Variants in SERINC3 observed in about 807,000 individuals in gnomAD.
SERINC3 encodes the protein serine incorporator 3.
A neutral mutation model predicts 52.1 loss-of-function variants in SERINC3; 22 were observed. The observed-to-expected ratio is 0.42, with a 90% CI of 0.30 to 0.60. The LOEUF (loss-of-function observed/expected upper bound fraction) is 0.60, where lower values mean the gene tolerates loss of function less well. Ranked by LOEUF, SERINC3 falls within the 20% of genes least tolerant of loss-of-function variation. The probability of loss-of-function intolerance (pLI) is 0.16; values close to 1 mark genes in which losing one functional copy is unlikely to be tolerated. For synonymous variants in SERINC3, 226 were observed against 212.7 expected, an observed-to-expected ratio of 1.06 and a Z score of -0.54; for missense variants, 564 against 584.6, an observed-to-expected ratio of 0.96 and a Z score of 0.36.
rs921328903 is a variant in SERINC3 at position 44,500,040 on chromosome 20, C to T, written c.*256G>A. 4.5e-5 allele frequency: 15 copies of T among 336,536 alleles called. No homozygotes were observed. The highest frequency in any genetic ancestry group is 8.0e-5 in the Non-Finnish European group (15 of 186,748). 20.8% of individuals were successfully genotyped at this position (336,536 alleles called of 1,614,324 possible). ...TTTATAAAGAACTCTCTTCACAGCA[C>T]AGCTGTAGTTCACTTTAAACAAAAA... On this transcript the variant is annotated 3_prime_UTR_variant, in exon 10 of 10. Coordinates refer to ENST00000342374, the MANE Select transcript of SERINC3 (RefSeq NM_006811.4).
chr20:44,516,869 G>A (rs2123070104), intron 1 of SERINC3, among the ~76,000 whole-genome samples: 1 of 152,238 alleles, frequency 6.6e-6, no homozygotes, highest in South Asian at 2.1e-4. Flanking sequence ...TATAATTTGA[G>A]TCATTATGCT....
chr20:44,500,505 C>T lies in SERINC3; in HGVS notation c.1284-71G>A, dbSNP rs1225881859. On this transcript the variant is annotated intron_variant, in intron 9 of 9. Coordinates refer to ENST00000342374, the MANE Select transcript of SERINC3 (RefSeq NM_006811.4). ...ACTTCTATCAGCCTCCTGCAGCCCC[C>T]CAGCCAAGGCCAAGAAATTCTCCAG... 12 of 1,521,434 alleles carry T rather than the reference C, an allele frequency of 7.9e-6. No homozygotes were observed. The Admixed American group carries it at 2.4e-4, about 30-fold the overall frequency. The allele number at this position is 1,521,434 out of a possible 1,614,324, so 94.2% of individuals were successfully genotyped here. A position where few individuals can be genotyped will look rare whatever the true frequency, so the allele number is the denominator to read the frequency against.
In SERINC3 at chr20:44,511,302, GC is replaced by G; in HGVS notation, c.461del (p.Gly154AlafsTer12). 1.2e-6 allele frequency: 2 copies of G among 1,609,774 alleles called. No individual in the cohort carries two copies. The highest frequency in any genetic ancestry group is 1.7e-6 in the Non-Finnish European group (2 of 1,176,052). ...GGTGAACCCTACCTGAGCTGAAATA[GC>G]CCCCAGGGATGTAGAAAGAGCCAAC... ...IMVGSFYIPG[G>X]YFSSVWFVVG... On this transcript the variant is annotated frameshift_variant, in exon 4 of 10. Coordinates refer to ENST00000342374, the MANE Select transcript of SERINC3 (RefSeq NM_006811.4). LOFTEE classifies it high-confidence loss of function.
rs1367222432 is a variant in SERINC3 at position 44,500,354 on chromosome 20, A to G, written c.1364T>C (p.Leu455Pro). 13 of 1,608,838 alleles carry G rather than the reference A, an allele frequency of 8.1e-6. No homozygotes were observed. The highest frequency in any genetic ancestry group is 1.1e-5 in the Non-Finnish European group (13 of 1,177,806). Residue 455 changes from leucine to proline, a missense_variant, in exon 10 of 10, where the codon CTG becomes CCG. Leu to Pro is a moderately conservative substitution (Grantham distance 98). Coordinates refer to ENST00000342374, the MANE Select transcript of SERINC3 (RefSeq NM_006811.4). Reference protein sequence around the residue: ...VKISSSWVCLLLYVWTLVAPL... With the variant: ...VKISSSWVCLPLYVWTLVAPL... ...AGCCACAAGGGTCCAGACGTAAAGC[A>G]GGAGGCAGACCCAGCTGGAGCTGAT... is the stretch of plus-strand genomic sequence containing the variant.
chr20:44,511,018 AT>A (rs2064344004), intron 4 of SERINC3, among the ~76,000 whole-genome samples: 1 of 151,796 alleles, frequency 6.6e-6, no homozygotes, highest in Admixed American at 6.6e-5. Context: ...GGTTCAGGCA[AT>A]TTTGCTGCCT....
rs1324194755 is a variant in SERINC3 at position 44,500,285 on chromosome 20, C to G, written c.*11G>C. 6.2e-7 allele frequency: 1 copy of G among 1,609,786 alleles called. No individual in the cohort carries two copies. The highest frequency in any genetic ancestry group is 8.5e-7 in the Non-Finnish European group (1 of 1,177,884). The stretch of plus-strand genomic sequence containing the variant: ...TTGTGAGTTCCAGTGGTGTCCTTGG[C>G]ACTCAGAGGTTCAGCTGAAGTCCCG... On this transcript the variant is annotated 3_prime_UTR_variant, in exon 10 of 10. Coordinates refer to ENST00000342374, the MANE Select transcript of SERINC3 (RefSeq NM_006811.4).
chr20:44,511,311 G>C lies in SERINC3; in HGVS notation c.453C>G (p.Ile151Met), dbSNP rs368135422. 9.9e-6 allele frequency: 16 copies of C among 1,612,128 alleles called. No homozygotes were observed. Among genetic ancestry groups the C allele is most frequent in the African/African-American group, 5.3e-5 (4 of 74,866 alleles). ...TACCTGAGCTGAAATAGCCCCCAGG[G>C]ATGTAGAAAGAGCCAACCATGATTC... ...LIGIMVGSFY[I>M]PGGYFSSVWF... Residue 151 changes from isoleucine (I) to methionine (M), a missense_variant, in exon 4 of 10, where the codon ATC becomes ATG. Physicochemically the swap from Ile to Met is conservative, Grantham distance 10. Coordinates refer to ENST00000342374, the MANE Select transcript of SERINC3 (RefSeq NM_006811.4).
intron 5 of SERINC3, among the ~76,000 whole-genome samples, chr20:44,509,473 A>G (rs1473244104): frequency 6.6e-6 from 1 of 152,210 alleles, no homozygotes; most frequent in Non-Finnish European, 1.5e-5. Context: ...TCTTCCAGTG[A>G]TGCATATAAT....
chr20:44,521,887 G>A, intron 1 of SERINC3, 26 bp downstream of exon 1: 1 of 1,600,866 alleles, frequency 6.2e-7, no homozygotes, highest in South Asian at 1.1e-5. Context: ...CGCAGGTCCG[G>A]CGAGGACTCG....
downstream of SERINC3, among the ~76,000 whole-genome samples, chr20:44,496,926 T>C (rs1291781378): frequency 6.6e-6 from 1 of 152,246 alleles, no homozygotes; most frequent in Admixed American, 6.5e-5. Context: ...AGGCAGTTTC[T>C]TTGATTACCA....
At chr20:44,501,586 T>C (rs944546386) in intron 8 of SERINC3, among the ~76,000 whole-genome samples, 2 of 152,232 alleles carry the variant, frequency 1.3e-5, no homozygotes, top group South Asian at 2.1e-4. Flanking sequence ...GCTTCTATGA[T>C]TGGAAGGTAC....
chr20:44,512,276 A>T (rs1330203254), intron 3 of SERINC3, among the ~76,000 whole-genome samples: 2 of 149,926 alleles, frequency 1.3e-5, no homozygotes, highest in Non-Finnish European at 3.0e-5. Flanking sequence ...TCACGCCATT[A>T]CACTCCAGCC....
intron 9 of SERINC3, 144 bp downstream of exon 9, chr20:44,500,929 C>A: frequency 3.2e-6 from 2 of 632,406 alleles, no homozygotes; most frequent in South Asian, 3.9e-5. Flanking sequence ...GTTTTAAATG[C>A]TAGAGGGGAT....
At chr20:44,510,185 A>C (rs897004752) in intron 4 of SERINC3, among the ~76,000 whole-genome samples, 157 bp from the exon 5 acceptor site, 1 of 152,226 alleles carries the variant, frequency 6.6e-6, no homozygotes, top group Non-Finnish European at 1.5e-5. Context: ...GGCATTCTTA[A>C]AAGCTTTCTA....
In SERINC3 at chr20:44,509,956, G is replaced by A; in HGVS notation, c.548C>T (p.Ala183Val). 6.2e-7 allele frequency: 1 copy of A among 1,614,056 alleles called. No individual in the cohort carries two copies. The highest frequency in any genetic ancestry group is 8.5e-7 in the Non-Finnish European group (1 of 1,179,918). Residue 183 changes from alanine (A) to valine (V), a missense_variant, in exon 5 of 10, where the codon GCT (alanine) becomes GTT (valine). Physicochemically the swap from Ala to Val is moderately conservative, Grantham distance 64 (BLOSUM62 0). Transcript: ENST00000342374. Reference sequence around the variant, plus strand: ...TACCCATGATTCATTCCAAGAATGAGCAAAATCTACCAGCAGCACCAGCTG... The same window carrying A: ...TACCCATGATTCATTCCAAGAATGAACAAAATCTACCAGCAGCACCAGCTG... The part of the protein sequence containing the change: ...LIQLVLLVDF[A>V]HSWNESWVNR...
intron 3 of SERINC3, 72 bp downstream of exon 3, chr20:44,512,729 G>A: frequency 8.6e-7 from 1 of 1,164,476 alleles, no homozygotes; most frequent in Non-Finnish European, 1.2e-6. Flanking sequence ...TCATCAGAAT[G>A]GCTATATTAA....
intron 5 of SERINC3, 89 bp from the exon 6 acceptor site, chr20:44,507,085 G>C: frequency 2.1e-6 from 2 of 962,938 alleles, no homozygotes; most frequent in Non-Finnish European, 2.9e-6. Context: ...TAAAAATGAG[G>C]AGACATTATG....
Position 44,522,034 on chromosome 20 carries a change from A to C in SERINC3, c.-83T>G, listed in dbSNP as rs1379034464. 2.9e-6 allele frequency: 4 copies of C among 1,401,486 alleles called. No individual in the cohort carries two copies. Among genetic ancestry groups the C allele is most frequent in the Non-Finnish European group, 3.9e-6 (4 of 1,013,694 alleles). The allele number at this position is 1,401,486 out of a possible 1,614,324, so 86.8% of individuals were successfully genotyped here. ...CTGCCAGCTGAGGTGACTCCCCAGA[A>C]ACATGACGGTTTCTCAGGCCGGAAA... On this transcript the variant is annotated 5_prime_UTR_variant, in exon 1 of 10. Transcript: ENST00000342374.
chr20:44,502,955 T>G (rs551920860), intron 8 of SERINC3, among the ~76,000 whole-genome samples: 3 of 152,160 alleles, frequency 2.0e-5, no homozygotes, highest in Non-Finnish European at 4.4e-5. Context: ...TAAGAAAACA[T>G]ACATTCATTT....
Sources: gnomAD v4.1 joint callset for allele counts (sites outside exome capture counted in the v4.1 genomes callset) on GRCh38, gnomAD v4.1.1 for gene constraint, MANE v1.5 for transcripts, NCBI Gene and HGNC (gene_info 2026-07-23, HGNC 2026-07-21) for gene names.